Variants in ARFGEF3 observed in about 807,000 individuals in gnomAD.
ARFGEF3 encodes brefeldin A-inhibited guanine nucleotide-exchange protein 3.
Under a neutral mutation model 221.7 loss-of-function variants are expected in ARFGEF3, and 96 were observed. That is an observed-to-expected ratio of 0.43 (90% CI 0.37 to 0.51). The LOEUF is 0.51. Among genes scored for constraint, ARFGEF3 ranks in the 20% least tolerant of loss-of-function variants. ARFGEF3 has a pLI of 0.00. For synonymous variants in ARFGEF3, 1,145 were observed against 1,126.8 expected (o/e 1.02, Z -0.32); for missense variants, 2,410 against 2,789.9 (o/e 0.86, Z 3.07).
chr6:138,282,234 C>T (rs1016814985), intron 14 of ARFGEF3, among the ~76,000 whole-genome samples: 1 of 152,116 alleles, frequency 6.6e-6, no homozygotes, highest in African/African-American at 2.4e-5. Flanking sequence ...AGATTACAGG[C>T]GTGAGCCGCC....
intron 3 of ARFGEF3, among the ~76,000 whole-genome samples, chr6:138,209,231 A>C (rs571890373): frequency 1.3e-5 from 2 of 152,288 alleles, no homozygotes; most frequent in South Asian, 4.2e-4. Flanking sequence ...TCTTGTCTAC[A>C]AGACCTTCTT....
intron 18 of ARFGEF3, among the ~76,000 whole-genome samples, chr6:138,290,632 C>T (rs1779386363): frequency 1.3e-5 from 2 of 152,242 alleles, no homozygotes; most frequent in Admixed American, 6.5e-5. Context: ...CCAAGCATTG[C>T]ATCAGGACAG....
chr6:138,209,599 G>A (rs1372968373), intron 3 of ARFGEF3, among the ~76,000 whole-genome samples: 8 of 151,896 alleles, frequency 5.3e-5, no homozygotes, highest in Admixed American at 2.0e-4. Flanking sequence ...GCAGGCACCC[G>A]CCACCACGCC....
At chr6:138,223,524 A>T (rs1001995562) in intron 4 of ARFGEF3, among the ~76,000 whole-genome samples, 5 of 152,194 alleles carry the variant, frequency 3.3e-5, no homozygotes, top group African/African-American at 1.2e-4. Context: ...ATAACATCTG[A>T]TATTTTGAAA....
At chr6:138,244,175 G>A (rs1003409276) in intron 7 of ARFGEF3, among the ~76,000 whole-genome samples, 1 of 152,170 alleles carries the variant, frequency 6.6e-6, no homozygotes, top group African/African-American at 2.4e-5. Context: ...TTTTATCATT[G>A]TAGCTTATTT....
rs1474677747 is a variant in ARFGEF3 at position 138,209,946 on chromosome 6, A to G, written c.256A>G (p.Thr86Ala). Reference protein sequence around the residue: ...LSEERFVSMETDSDEKQLLNQ... With the variant: ...LSEERFVSMEADSDEKQLLNQ... ...GGAAGAGAGGTTTGTATCCATGGAA[A>G]CAGATTCTGATGAGAAGCAGCTGCT... Residue 86 changes from threonine to alanine, a missense_variant, in exon 4 of 34, where the codon ACA (threonine) becomes GCA (alanine). Around this residue, in one of 5 missense-constraint regions of ARFGEF3, gnomAD observed 570 missense variants for 586.9 expected, o/e 0.97. Coordinates refer to ENST00000251691, the MANE Select transcript of ARFGEF3 (RefSeq NM_020340.5). 1.9e-6 allele frequency: 3 copies of G among 1,613,916 alleles called. No individual in the cohort carries two copies. Among genetic ancestry groups the G allele is most frequent in the Non-Finnish European group, 2.5e-6 (3 of 1,179,826 alleles).
chr6:138,170,863 T>G (rs527986913), intron 2 of ARFGEF3, 150 bp downstream of exon 2: 1 of 547,952 alleles, frequency 1.8e-6, no homozygotes, highest in Admixed American at 3.4e-5. Context: ...AACAGAGATT[T>G]ATTAGTTCAT....
intron 20 of ARFGEF3, 61 bp downstream of exon 20, chr6:138,294,187 T>C: frequency 6.4e-7 from 1 of 1,553,292 alleles, no homozygotes; most frequent in Non-Finnish European, 8.8e-7. Context: ...CCCAGGCCTC[T>C]ATCACCAGCA....
Position 138,295,472 on chromosome 6 carries a change from A to C in ARFGEF3, c.3503-1338A>C, listed in dbSNP as rs1314767542. Among the ~76,000 whole-genome samples, 3 of 151,754 alleles carry C rather than the reference A, an allele frequency of 2.0e-5. No individual in the cohort carries two copies. In the East Asian group the frequency reaches 5.8e-4, roughly 29 times the overall value. Reference sequence around the variant, plus strand: ...CTGTCTCTACTAAAAATGCAAAAAAAAAAAAAAATTAGCCGGGTGTCATGG... The same window carrying C: ...CTGTCTCTACTAAAAATGCAAAAAACAAAAAAAATTAGCCGGGTGTCATGG... On this transcript the variant is annotated intron_variant, in intron 20 of 33. Transcript: ENST00000251691.
chr6:138,219,638 T>G (rs558982370), intron 4 of ARFGEF3, among the ~76,000 whole-genome samples: 1 of 152,106 alleles, frequency 6.6e-6, no homozygotes, highest in South Asian at 2.1e-4. Flanking sequence ...ACATGGGCAG[T>G]GAGTAGGTAG....
chr6:138,166,435 C>A (rs1297728103), intron 1 of ARFGEF3, among the ~76,000 whole-genome samples: 2 of 152,218 alleles, frequency 1.3e-5, no homozygotes, highest in Non-Finnish European at 2.9e-5. Context: ...ACTTTAGCAT[C>A]TTCTTCTACT....
intron 22 of ARFGEF3, among the ~76,000 whole-genome samples, chr6:138,304,487 A>G (rs1400439636): frequency 1.3e-5 from 2 of 152,204 alleles, no homozygotes; most frequent in East Asian, 1.9e-4. Context: ...TTGAAGAAAA[A>G]ATATGTAAAA....
At position 138,263,398 on chromosome 6, in the gene ARFGEF3, G is replaced by A. The variant is rs199775129; in HGVS notation, c.1915G>A (p.Asp639Asn). The change falls in exon 12 of 34, where the codon GAT becomes AAT. Residue 639 changes from aspartate to asparagine, a missense_variant. Asp to Asn is a conservative substitution (Grantham distance 23). Transcript: ENST00000251691. ...TGGGTCGGACAACTGTTCACTAGCC[G>A]ATGAAGAGCAGACACCCCGGGACTG... ...DIGSDNCSLA[D>N]EEQTPRDCLG... The A allele has an allele frequency of 2.4e-5, 38 of 1,613,992 alleles. No homozygotes were observed. The highest frequency in any genetic ancestry group is 4.0e-5 in the African/African-American group (3 of 75,046).
chr6:138,331,263 G>A (rs1017319479), intron 32 of ARFGEF3, among the ~76,000 whole-genome samples: 1 of 152,158 alleles, frequency 6.6e-6, no homozygotes, highest in African/African-American at 2.4e-5. Context: ...AACAAAATAA[G>A]CATATTAAAT....
chr6:138,314,723 A>C (rs942472189), intron 26 of ARFGEF3, among the ~76,000 whole-genome samples: 1 of 152,258 alleles, frequency 6.6e-6, no homozygotes, highest in African/African-American at 2.4e-5. Context: ...AGGTGAGCCC[A>C]AAAACACAGC....
At chr6:138,295,627 CA>C (rs34138067) in intron 20 of ARFGEF3, among the ~76,000 whole-genome samples, 173 of 125,906 alleles carry the variant, frequency 1.4e-3, no homozygotes, top group Non-Finnish European at 1.3e-3. Flanking sequence ...GAGACTCCCT[CA>C]AAAAAAAAAA....
chr6:138,205,555 G>GA (rs759976007), intron 2 of ARFGEF3, among the ~76,000 whole-genome samples: 1 of 152,036 alleles, frequency 6.6e-6, no homozygotes, highest in Non-Finnish European at 1.5e-5. Flanking sequence ...AACAAAATTG[G>GA]AAAAAAATCA....
chr6:138,291,916 T>C lies in ARFGEF3; in HGVS notation c.3231T>C (p.Pro1077=). Residue 1077 remains proline, a synonymous_variant, in exon 19 of 34, where the codon CCT becomes CCC. Transcript: ENST00000251691. This position sits in a 1 kb window ranked among gnomAD's most constrained non-coding sequence, Gnocchi z 4.5. ...AGGGGCGCTCCCTGAGCACGGCCCC[T>C]GTCGTCCAGCCCCTGTCCATCCAGG... ...PEQGRSLSTA[P]VVQPLSIQDL... The C allele has an allele frequency of 6.7e-7, 1 of 1,490,102 alleles. No individual in the cohort carries two copies. Among genetic ancestry groups the C allele is most frequent in the East Asian group, 2.6e-5 (1 of 37,876 alleles). The allele number at this position is 1,490,102 out of a possible 1,614,324, so 92.3% of individuals were successfully genotyped here.
intron 32 of ARFGEF3, among the ~76,000 whole-genome samples, chr6:138,333,318 G>A (rs1780259145): frequency 6.6e-6 from 1 of 152,070 alleles, no homozygotes; most frequent in Admixed American, 6.5e-5. Context: ...GTGTCCCCAA[G>A]GGCAAAAAGA....
Sources: allele counts gnomAD v4.1 joint callset (sites outside exome capture counted in the v4.1 genomes callset), GRCh38; gene constraint gnomAD v4.1.1; regional missense constraint gnomAD v4.1.1; non-coding constraint Gnocchi (gnomAD v3.1); transcripts MANE v1.5; gene names NCBI Gene and HGNC (gene_info 2026-07-23, HGNC 2026-07-21).